The following PRKG1 variants were observed in gnomAD, a reference collection of about 807,000 sequenced individuals.
The protein encoded by PRKG1 is protein kinase cGMP-dependent 1, also known as cGMP-dependent protein kinase 1.
A neutral mutation model predicts 88.1 loss-of-function variants in PRKG1; 35 were observed. The observed-to-expected ratio is 0.40, with a 90% CI of 0.30 to 0.53. The LOEUF (loss-of-function observed/expected upper bound fraction) is 0.53. Among genes scored for constraint, PRKG1 ranks in the 20% least tolerant of loss-of-function variants. The pLI is 0.59. For synonymous variants in PRKG1, 303 were observed against 292.5 expected (o/e 1.04, Z -0.37); for missense variants, 540 against 839.8 (o/e 0.64, Z 4.41).
At chr10:51,663,307 A>G (rs1160052078) in intron 3 of PRKG1, among the ~76,000 whole-genome samples, 1 of 152,022 alleles carries the variant, frequency 6.6e-6, no homozygotes, top group Non-Finnish European at 1.5e-5. Context: ...CTCTAAAAGA[A>G]CTCACCAAGG....
At position 52,023,485 on chromosome 10, in the gene PRKG1, C is replaced by T. The variant is rs183328674; in HGVS notation, c.763-30999C>T. On this transcript the variant is annotated intron_variant, in intron 5 of 17. Transcript: ENST00000373980. Reference sequence around the variant, plus strand: ...TTCTAGTTCTAGATCCTTGAGGAATCGCCACACTCTCTTCCACAATGGTTG... The same window carrying T: ...TTCTAGTTCTAGATCCTTGAGGAATTGCCACACTCTCTTCCACAATGGTTG... Among the ~76,000 whole-genome samples the T allele has an allele frequency of 4.6e-3, 695 of 152,292 alleles. 4 individuals carry two copies. Among genetic ancestry groups the T allele is most frequent in the African/African-American group, 0.015 (639 of 41,556 alleles).
intron 5 of PRKG1, among the ~76,000 whole-genome samples, chr10:51,953,359 G>A (rs1254245229): frequency 6.8e-6 from 1 of 147,410 alleles, no homozygotes; most frequent in Non-Finnish European, 1.5e-5. Flanking sequence ...TAAAGTGTGA[G>A]AAACAAAATC....
chr10:51,247,476 G>A (rs1839320626), intron 2 of PRKG1, among the ~76,000 whole-genome samples: 1 of 151,880 alleles, frequency 6.6e-6, no homozygotes, highest in South Asian at 2.1e-4. Flanking sequence ...AAAATTCAGA[G>A]TAAACATTAC....
At chr10:51,003,643 G>T (rs915472177) in intron 1 of PRKG1, among the ~76,000 whole-genome samples, 13 of 152,130 alleles carry the variant, frequency 8.5e-5, no homozygotes, top group Admixed American at 2.6e-4. Context: ...AATGTGTGCT[G>T]GTTGTCAGAT....
intron 3 of PRKG1, among the ~76,000 whole-genome samples, chr10:51,552,056 G>A (rs1052854358): frequency 6.6e-6 from 1 of 151,576 alleles, no homozygotes; most frequent in Admixed American, 6.6e-5. Context: ...TTTGTAAATA[G>A]TACTTAATAT....
chr10:51,466,540 ACC>A (rs911766872), intron 2 of PRKG1, among the ~76,000 whole-genome samples: 6 of 152,026 alleles, frequency 3.9e-5, no homozygotes, highest in South Asian at 2.1e-4. Flanking sequence ...TGAATCACGT[ACC>A]ACTAGTATAT....
At chr10:52,055,238 G>A (rs1341749422) in intron 6 of PRKG1, among the ~76,000 whole-genome samples, 1 of 152,180 alleles carries the variant, frequency 6.6e-6, no homozygotes, top group Admixed American at 6.5e-5. Context: ...GAAATCAGAT[G>A]GCCTAAATTT....
intron 2 of PRKG1, among the ~76,000 whole-genome samples, chr10:51,412,948 G>A (rs1451693203): frequency 1.3e-5 from 2 of 152,180 alleles, no homozygotes; most frequent in African/African-American, 4.8e-5. Context: ...CTTGGTGTTT[G>A]ATGGAGCTGT....
At chr10:51,118,175 G>T (rs1845173079) in intron 1 of PRKG1, among the ~76,000 whole-genome samples, 1 of 152,038 alleles carries the variant, frequency 6.6e-6, no homozygotes, top group South Asian at 2.1e-4. Flanking sequence ...CAATCTTTAG[G>T]TCAGTGTTTT....
chr10:51,397,643 T>A (rs1235298310), intron 2 of PRKG1, among the ~76,000 whole-genome samples: 1 of 152,232 alleles, frequency 6.6e-6, no homozygotes, highest in Admixed American at 6.5e-5. Flanking sequence ...ACAAGGAACA[T>A]CTCAGGAAAT....
At chr10:51,374,365 TTTG>T (rs1454944722) in intron 2 of PRKG1, among the ~76,000 whole-genome samples, 1 of 151,364 alleles carries the variant, frequency 6.6e-6, no homozygotes. Context: ...GTTGTGTTGG[TTTG>T]CTGAGAATGA....
intron 5 of PRKG1, among the ~76,000 whole-genome samples, chr10:51,914,311 G>A (rs1477156230): frequency 1.3e-5 from 2 of 151,336 alleles, no homozygotes; most frequent in Non-Finnish European, 2.9e-5. Flanking sequence ...ATAGAGAAAA[G>A]TAGCAAAGAT....
intron 2 of PRKG1, among the ~76,000 whole-genome samples, chr10:51,447,085 G>A (rs777870619): frequency 6.6e-5 from 10 of 151,886 alleles, no homozygotes; most frequent in African/African-American, 2.2e-4. Context: ...TTATAATACC[G>A]CCAATTGAGT....
chr10:51,653,085 A>G (rs1840079655), intron 3 of PRKG1, among the ~76,000 whole-genome samples: 1 of 152,312 alleles, frequency 6.6e-6, no homozygotes, highest in Non-Finnish European at 1.5e-5. Context: ...TAGTGTGTAT[A>G]TATACATTTC....
chr10:52,031,112 C>T (rs1238141603), intron 5 of PRKG1, among the ~76,000 whole-genome samples: 1 of 151,908 alleles, frequency 6.6e-6, no homozygotes, highest in Non-Finnish European at 1.5e-5. Flanking sequence ...CCACACAGAA[C>T]CAGGTTGTGA....
At chr10:51,702,172 C>T (rs1418620378) in intron 3 of PRKG1, among the ~76,000 whole-genome samples, 1 of 152,156 alleles carries the variant, frequency 6.6e-6, no homozygotes, top group Non-Finnish European at 1.5e-5. Flanking sequence ...CAGAGAGTAG[C>T]TGAAGGACTA....
At chr10:51,161,660 T>A (rs1005656074) in intron 2 of PRKG1, among the ~76,000 whole-genome samples, 2 of 152,190 alleles carry the variant, frequency 1.3e-5, no homozygotes, top group African/African-American at 4.8e-5. Flanking sequence ...AAATCGTAGG[T>A]CACATTAAAA....
intron 2 of PRKG1, among the ~76,000 whole-genome samples, chr10:51,311,516 A>G (rs1564441601): frequency 6.6e-6 from 1 of 152,188 alleles, no homozygotes; most frequent in Non-Finnish European, 1.5e-5. Context: ...GTTGATTGAC[A>G]TTTGTGTATA....
intron 2 of PRKG1, among the ~76,000 whole-genome samples, chr10:51,401,856 G>A (rs1837748626): frequency 6.6e-6 from 1 of 152,076 alleles, no homozygotes; most frequent in Non-Finnish European, 1.5e-5. Context: ...TCCTTTCTGA[G>A]TCACTAGCTG....
Sources: allele counts gnomAD v4.1 joint callset (sites outside exome capture counted in the v4.1 genomes callset), GRCh38; gene constraint gnomAD v4.1.1; transcripts MANE v1.5; gene names NCBI Gene and HGNC (gene_info 2026-07-23, HGNC 2026-07-21).